DOCK5: variants seen among roughly 807,000 people sequenced by gnomAD.
DOCK5 encodes the protein dedicator of cytokinesis protein 5.
In DOCK5, 142 loss-of-function variants were observed where a neutral mutation model predicts 251.8. That is an observed-to-expected ratio of 0.56 (90% CI 0.49 to 0.65). The LOEUF (loss-of-function observed/expected upper bound fraction) is 0.65. DOCK5 is among the 30% of genes least tolerant of loss of function. DOCK5 has a pLI of 0.00. For missense variants in DOCK5, 2,111 were observed against 2,312.3 expected (o/e 0.91, Z 1.79); for synonymous variants, 842 against 835.5 (o/e 1.01, Z -0.13).
At chr8:25,188,450 T>A (rs896974763) in intron 1 of DOCK5, among the ~76,000 whole-genome samples, 1 of 152,140 alleles carries the variant, frequency 6.6e-6, no homozygotes, top group Admixed American at 6.6e-5. Flanking sequence ...CTAAGAGGAG[T>A]GTGCCTCTGC....
intron 5 of DOCK5, among the ~76,000 whole-genome samples, chr8:25,281,282 G>C (rs1243744718): frequency 1.3e-5 from 2 of 151,956 alleles, no homozygotes; most frequent in African/African-American, 4.8e-5. Flanking sequence ...ACAAAAATTA[G>C]CTGGGTGTAG....
At chr8:25,221,494 A>G (rs1586239490) in intron 1 of DOCK5, among the ~76,000 whole-genome samples, 2 of 152,204 alleles carry the variant, frequency 1.3e-5, no homozygotes, top group Middle Eastern at 6.8e-3. Context: ...TTTTTAGTAG[A>G]GAAGGGGTTT....
At chr8:25,406,337 G>GGGC (rs1280726179) in intron 48 of DOCK5, among the ~76,000 whole-genome samples, 2 of 152,100 alleles carry the variant, frequency 1.3e-5, no homozygotes, top group Non-Finnish European at 1.5e-5. Flanking sequence ...TAGGTGATGA[G>GGGC]CATTTATGCA....
intron 5 of DOCK5, among the ~76,000 whole-genome samples, chr8:25,284,486 A>G (rs1257194380): frequency 2.0e-5 from 3 of 152,224 alleles, no homozygotes; most frequent in African/African-American, 7.2e-5. Context: ...GGGTGGGCAG[A>G]TAATGTCTAG....
At chr8:25,282,293 C>T (rs1204602407) in intron 5 of DOCK5, among the ~76,000 whole-genome samples, 1 of 151,534 alleles carries the variant, frequency 6.6e-6, no homozygotes, top group African/African-American at 2.4e-5. Context: ...AACTTCTGAA[C>T]TTCTTACTGA....
At chr8:25,358,635 T>TACTACAGC (rs1376032936) in intron 27 of DOCK5, among the ~76,000 whole-genome samples, 1 of 152,222 alleles carries the variant, frequency 6.6e-6, no homozygotes, top group Non-Finnish European at 1.5e-5. Flanking sequence ...TGGAATTCTA[T>TACTACAGC]ACTACAGCTC....
At chr8:25,252,781 A>C (rs1388427001) in intron 2 of DOCK5, among the ~76,000 whole-genome samples, 1 of 152,130 alleles carries the variant, frequency 6.6e-6, no homozygotes, top group African/African-American at 2.4e-5. Flanking sequence ...AATGCCTTCT[A>C]TTTTTCCTTT....
At chr8:25,213,525 G>T (rs1198753711) in intron 1 of DOCK5, among the ~76,000 whole-genome samples, 1 of 151,908 alleles carries the variant, frequency 6.6e-6, no homozygotes, top group Non-Finnish European at 1.5e-5. Flanking sequence ...TTGTTTGTTT[G>T]TTTTTTTGTT....
rs367572686 is a variant in DOCK5 at position 25,190,500 on chromosome 8, CTAG to C, written c.43+5554_43+5556del. ...TTTATTGGTGACAGTATCACAGGCG[CTAG>C]TAGTGCAATTGCGGTTTATTGGCTA... is the stretch of plus-strand genomic sequence containing the variant. On this transcript the variant is annotated intron_variant, in intron 1 of 51. Transcript: ENST00000276440. 1.9e-3 allele frequency among the ~76,000 whole-genome samples: 283 copies of C among 152,208 alleles called. 1 individual carries two copies. The highest frequency in any genetic ancestry group is 6.5e-3 in the African/African-American group (269 of 41,538).
intron 1 of DOCK5, among the ~76,000 whole-genome samples, chr8:25,198,488 C>G (rs1801789896): frequency 6.6e-6 from 1 of 152,000 alleles, no homozygotes; most frequent in Non-Finnish European, 1.5e-5. Context: ...ACAAAAATCA[C>G]TTGAACCCGG....
rs1391300528 is a variant in DOCK5 at position 25,315,894 on chromosome 8, C to T, written c.1319-1113C>T. On this transcript the variant is annotated intron_variant, in intron 13 of 51. Transcript: ENST00000276440. ...AAACGATCAGTGCTCTAAATATGCA[C>T]TCCTGTTTTCTTATAGTGTTAAAAG... Among the ~76,000 whole-genome samples, 3 of 152,170 alleles carry T rather than the reference C, an allele frequency of 2.0e-5. No homozygotes were observed. The East Asian group carries it at 5.8e-4, about 29-fold the overall frequency.
At chr8:25,230,284 A>G (rs1045105408) in intron 1 of DOCK5, among the ~76,000 whole-genome samples, 11 of 152,192 alleles carry the variant, frequency 7.2e-5, no homozygotes, top group African/African-American at 2.2e-4. Context: ...ATGTGCTACA[A>G]ACACACATTC....
chr8:25,362,164 C>T (rs759588571), intron 28 of DOCK5, among the ~76,000 whole-genome samples: 46 of 152,320 alleles, frequency 3.0e-4, no homozygotes, highest in Middle Eastern at 3.4e-3. Flanking sequence ...TTCCAGGCTG[C>T]ACATGATAAC....
At chr8:25,229,713 C>T (rs1802621195) in intron 1 of DOCK5, among the ~76,000 whole-genome samples, 1 of 151,692 alleles carries the variant, frequency 6.6e-6, no homozygotes, top group South Asian at 2.1e-4. Context: ...TCATTCTAAC[C>T]CTCTGATATA....
At chr8:25,366,996 C>CG (rs761383627) in intron 31 of DOCK5, 26 bp downstream of exon 31, 19 of 1,577,040 alleles carry the variant, frequency 1.2e-5, no homozygotes, top group Non-Finnish European at 1.6e-5. Context: ...AAGTTAAGAT[C>CG]GGGAAGGGGC....
Position 25,275,651 on chromosome 8 carries a change from A to G in DOCK5, c.224+210A>G, listed in dbSNP as rs547386909. Reference sequence around the variant, plus strand: ...GGAGTTCGAAACCAGCCTGGCCAACATGGTAAAACCCCCATCTCTACTAAA... The same window carrying G: ...GGAGTTCGAAACCAGCCTGGCCAACGTGGTAAAACCCCCATCTCTACTAAA... On this transcript the variant is annotated intron_variant, in intron 4 of 51. Transcript: ENST00000276440. Among the ~76,000 whole-genome samples, 5 of 152,230 alleles carry G rather than the reference A, an allele frequency of 3.3e-5. No homozygotes were observed. The East Asian group carries it at 7.7e-4, about 24-fold the overall frequency.
intron 9 of DOCK5, among the ~76,000 whole-genome samples, chr8:25,300,864 GA>G (rs5890220): frequency 0.72 from 109,316 of 151,874 alleles, 40,963 homozygotes; most frequent in Non-Finnish European, 0.83. Flanking sequence ...AAAAATCGGG[GA>G]AAAAAAAGCA....
At position 25,292,131 on chromosome 8, in the gene DOCK5, G is replaced by A. The variant is rs1272913987; in HGVS notation, c.429G>A (p.Glu143=). Reference sequence around the variant, plus strand: ...CGCTCCCCAAGGATGAACTGGCAGAGCTCAAGAAGAAAGTCACAGCCAAAA... The same window carrying A: ...CGCTCCCCAAGGATGAACTGGCAGAACTCAAGAAGAAAGTCACAGCCAAAA... The part of the protein sequence containing the change: ...SGTLPKDELA[E]LKKKVTAKID... Residue 143 remains glutamate (E), a synonymous_variant, in exon 6 of 52, where the codon GAG becomes GAA. Coordinates refer to ENST00000276440, the MANE Select transcript of DOCK5 (RefSeq NM_024940.8). 6.3e-7 allele frequency: 1 copy of A among 1,585,162 alleles called. No homozygotes were observed. The highest frequency in any genetic ancestry group is 1.3e-5 in the African/African-American group (1 of 74,368).
chr8:25,392,689 C>T, intron 43 of DOCK5, 107 bp from the exon 44 acceptor site: 1 of 964,010 alleles, frequency 1.0e-6, no homozygotes, highest in Non-Finnish European at 1.6e-6. Context: ...TAGAATCTCA[C>T]TTAAGTGAAC....
Sources: gnomAD v4.1 joint callset for allele counts (sites outside exome capture counted in the v4.1 genomes callset) on GRCh38, gnomAD v4.1.1 for gene constraint, MANE v1.5 for transcripts, NCBI Gene and HGNC (gene_info 2026-07-23, HGNC 2026-07-21) for gene names.